MS4A18: variants seen among roughly 807,000 people sequenced by gnomAD.
MS4A18 encodes membrane-spanning 4-domains subfamily A member 18.
A neutral mutation model predicts 13.1 loss-of-function variants in MS4A18; 27 were observed. That is an observed-to-expected ratio of 2.06 (90% confidence interval 1.52 to 2.84). The LOEUF is 2.84. Ranked by LOEUF, MS4A18 falls within the 30% of genes most tolerant of loss-of-function variation. MS4A18 has a pLI of 0.00. For missense variants in MS4A18, 307 were observed against 196.4 expected (o/e 1.56, Z -3.37); for synonymous variants, 126 against 76.5 (o/e 1.65, Z -3.38).
intron 4 of MS4A18, 126 bp from the exon 6 acceptor site, chr11:60,740,903 TC>T: frequency 1.5e-6 from 1 of 663,400 alleles, no homozygotes; most frequent in African/African-American, 1.8e-5. Flanking sequence ...AAGCACCTGC[TC>T]CAAAGGGCCA....
intron 2 of MS4A18, among the ~76,000 whole-genome samples, chr11:60,734,485 C>A (rs903163048): frequency 1.3e-5 from 2 of 152,170 alleles, no homozygotes; most frequent in African/African-American, 2.4e-5. Context: ...GCAGTGCTGC[C>A]ACCTCATAAG....
intron 2 of MS4A18, among the ~76,000 whole-genome samples, chr11:60,736,751 G>C (rs921034883): frequency 6.6e-6 from 1 of 152,222 alleles, no homozygotes; most frequent in Non-Finnish European, 1.5e-5. Context: ...GGAAAGGAAG[G>C]TGTTAGCCTA....
intron 4 of MS4A18, among the ~76,000 whole-genome samples, chr11:60,739,379 T>C (rs1422348131): frequency 6.6e-5 from 10 of 152,120 alleles, no homozygotes. Flanking sequence ...CGGATGCTAG[T>C]TCTGGTCTTT....
chr11:60,740,078 T>A (rs1342752910), intron 4 of MS4A18, among the ~76,000 whole-genome samples: 1 of 152,160 alleles, frequency 6.6e-6, no homozygotes, highest in East Asian at 1.9e-4. Flanking sequence ...TCCAATAGGA[T>A]GCAACAGGAT....
intron 2 of MS4A18, among the ~76,000 whole-genome samples, chr11:60,736,773 G>A (rs577669902): frequency 2.0e-5 from 3 of 152,346 alleles, no homozygotes; most frequent in African/African-American, 4.8e-5. Context: ...ACCCACAGGA[G>A]TTTGAGTATC....
chr11:60,736,967 T>TTTTTC lies in MS4A18; in HGVS notation c.592-11_592-10insTTTTC. The TTTTTC allele has an allele frequency of 1.5e-6, 1 of 680,940 alleles. No homozygotes were observed. The highest frequency in any genetic ancestry group is 1.6e-5 in the South Asian group (1 of 63,156). 42.2% of individuals were successfully genotyped at this position (680,940 alleles called of 1,614,324 possible). ...TTGGTCATTCTTTTTTTTTTTTTTT[T>TTTTTC]GTCTGCGTAGTATATTGTATCTGGA... On this transcript the variant is annotated splice_polypyrimidine_tract_variant and intron_variant, in intron 2 of 5. Coordinates refer to ENST00000529108, the Ensembl canonical transcript of MS4A18.
intron 1 of MS4A18, among the ~76,000 whole-genome samples, chr11:60,731,148 T>C (rs1386646866): frequency 6.6e-6 from 1 of 152,210 alleles, no homozygotes; most frequent in East Asian, 1.9e-4. Context: ...AGTGAGATTA[T>C]AAATGTGTGC....
chr11:60,728,501 C>G (rs115837248), upstream of MS4A18, among the ~76,000 whole-genome samples: 2,640 of 149,298 alleles, frequency 0.018, 67 homozygotes, highest in African/African-American at 0.058. Flanking sequence ...TTCCCTCTCT[C>G]TGTGTGTGTG....
chr11:60,730,734 G>A (rs555086721), intron 1 of MS4A18, among the ~76,000 whole-genome samples: 1 of 152,294 alleles, frequency 6.6e-6, no homozygotes, highest in East Asian at 1.9e-4. Flanking sequence ...ACAAGGCGTT[G>A]TTTGCCTCCC....
chr11:60,738,386 C>T (rs1371425931), intron 3 of MS4A18, among the ~76,000 whole-genome samples: 1 of 152,202 alleles, frequency 6.6e-6, no homozygotes, highest in Non-Finnish European at 1.5e-5. Flanking sequence ...GACTCCCTTC[C>T]CTCAATTCAA....
chr11:60,726,763 T>TTTTA (rs1853168157), upstream of MS4A18, among the ~76,000 whole-genome samples: 1 of 151,114 alleles, frequency 6.6e-6, no homozygotes, highest in Non-Finnish European at 1.5e-5. Flanking sequence ...TTTTATTTTA[T>TTTTA]TTTATTTTAT....
rs1468813480 is a variant in MS4A18, at chr11:60,733,528, C to T, written c.478-6C>T. The T allele has an allele frequency of 1.4e-6, 1 of 703,108 alleles. No homozygotes were observed. The highest frequency in any genetic ancestry group is 2.6e-6 in the Non-Finnish European group (1 of 385,038). 43.6% of individuals were successfully genotyped at this position (703,108 alleles called of 1,614,324 possible). A position where few individuals can be genotyped will look rare whatever the true frequency, so the allele number is the denominator to read the frequency against. ...GCTCTCTCACAGTGACTTGTTCTCC[C>T]TGCAGGCCATCCAGATCCTCATCGG... On this transcript the variant is annotated splice_polypyrimidine_tract_variant and splice_region_variant and intron_variant, in intron 1 of 5. Coordinates refer to ENST00000529108, the Ensembl canonical transcript of MS4A18.
At chr11:60,741,197 G>A (rs1441252660) in intron 5 of MS4A18, 54 bp downstream of exon 6, 1 of 702,650 alleles carries the variant, frequency 1.4e-6, no homozygotes, top group Non-Finnish European at 2.6e-6. Flanking sequence ...GTTGGGTGTG[G>A]GCTATAGCAA....
chr11:60,726,365 A>G (rs1195793838), upstream of MS4A18, among the ~76,000 whole-genome samples: 2 of 152,244 alleles, frequency 1.3e-5, no homozygotes, highest in African/African-American at 4.8e-5. Context: ...CTGAAGCTTT[A>G]TATAACCAAT....
chr11:60,729,222 T>C (rs1409822143), upstream of MS4A18: 1 of 625,648 alleles, frequency 1.6e-6, no homozygotes, highest in African/African-American at 1.8e-5. Context: ...TTAATGAAGA[T>C]GAAACTAAAG....
intron 5 of MS4A18, 109 bp from the exon 7 acceptor site, chr11:60,743,541 G>A (rs1853438588): frequency 3.2e-6 from 2 of 634,674 alleles, no homozygotes; most frequent in East Asian, 2.7e-5. Flanking sequence ...CAGCATCAGG[G>A]AGAGAGGGTC....
At chr11:60,733,924 C>G (rs1853296349) in intron 2 of MS4A18, among the ~76,000 whole-genome samples, 1 of 152,046 alleles carries the variant, frequency 6.6e-6, no homozygotes, top group African/African-American at 2.4e-5. Flanking sequence ...CTCTTCCACC[C>G]TCTCTGGGTT....
rs76194929 is a variant in MS4A18 at position 60,729,679 on chromosome 11, C to T, written c.364C>T (p.Pro122Ser). The T allele has an allele frequency of 2.7e-3, 1,919 of 702,708 alleles. 7 individuals carry two copies. The highest frequency in any genetic ancestry group is 3.2e-3 in the Non-Finnish European group (1,240 of 384,814). The allele number at this position is 702,708 out of a possible 1,614,324, so 43.5% of individuals were successfully genotyped here. A position where few individuals can be genotyped will look rare whatever the true frequency, so the allele number is the denominator to read the frequency against. Residue 122 changes from proline to serine, a missense_variant, in exon 1 of 6, where the codon CCT (proline) becomes TCT (serine). Transcript: ENST00000529108. The stretch of plus-strand genomic sequence containing the variant: ...CCTTCAGAATCCTCTGAATGCTAAC[C>T]CTGGGCTGACACACACCTCAAACTC...
upstream of MS4A18, chr11:60,729,179 T>C (rs1033085958): frequency 1.7e-6 from 1 of 601,704 alleles, no homozygotes; most frequent in African/African-American, 1.9e-5. Context: ...AAGAAGTTTA[T>C]TTTGTCTGGT....
Sources: gnomAD v4.1 joint callset for allele counts (sites outside exome capture counted in the v4.1 genomes callset) on GRCh38, gnomAD v4.1.1 for gene constraint, MANE v1.5 for transcripts, NCBI Gene and HGNC (gene_info 2026-07-23, HGNC 2026-07-21) for gene names.